The following RBM47 variants were observed in gnomAD, a reference collection of about 807,000 sequenced individuals.
RBM47 encodes RNA-binding protein 47.
In RBM47, 21 loss-of-function variants were observed where a neutral mutation model predicts 47.1. The ratio of observed to expected loss-of-function variants is 0.45; its 90% CI spans 0.32 to 0.64. RBM47 has a LOEUF of 0.64. Among genes scored for constraint, RBM47 ranks in the 30% least tolerant of loss-of-function variants. The pLI is 0.05. For synonymous variants in RBM47, 375 were observed against 361.7 expected (o/e 1.04, Z -0.42); for missense variants, 708 against 870.9 (o/e 0.81, Z 2.35).
At chr4:40,522,841 G>T (rs1378370085) in intron 2 of RBM47, among the ~76,000 whole-genome samples, 1 of 151,736 alleles carries the variant, frequency 6.6e-6, no homozygotes, top group Non-Finnish European at 1.5e-5. Context: ...CATAAAAAAT[G>T]AGCTTACTAT....
chr4:40,586,793 C>T (rs2128120), intron 1 of RBM47, among the ~76,000 whole-genome samples: 4,706 of 151,742 alleles, frequency 0.031, 256 homozygotes, highest in African/African-American at 0.11. Context: ...TGACGGGTGT[C>T]TTCTGGGGTT....
rs896128620 is a variant in RBM47, at chr4:40,612,376, G to C, written c.-240+17020C>G. Among the ~76,000 whole-genome samples, 8 of 152,336 alleles carry C rather than the reference G, an allele frequency of 5.3e-5. No homozygotes were observed. In the South Asian group the frequency reaches 1.2e-3, roughly 24 times the overall value. On this transcript the variant is annotated intron_variant, in intron 1 of 6. Transcript: ENST00000295971. ...CACACACAAAAAATAGCCACGTGTA[G>C]TGGCACATGCTTGCAATCCCAGCTA...
intron 1 of RBM47, among the ~76,000 whole-genome samples, chr4:40,578,561 T>C (rs372816311): frequency 2.0e-5 from 3 of 152,214 alleles, no homozygotes; most frequent in Admixed American, 2.0e-4. Context: ...TCATTTTCAG[T>C]GTTCTTAGCT....
intron 2 of RBM47, among the ~76,000 whole-genome samples, chr4:40,522,916 T>C (rs1726333936): frequency 6.6e-6 from 1 of 151,666 alleles, no homozygotes; most frequent in Non-Finnish European, 1.5e-5. Flanking sequence ...AATATCAATA[T>C]ATAGAACCCA....
chr4:40,596,122 C>T (rs1421882924), intron 1 of RBM47, among the ~76,000 whole-genome samples: 1 of 152,202 alleles, frequency 6.6e-6, no homozygotes, highest in Non-Finnish European at 1.5e-5. Flanking sequence ...TGAGAACTTT[C>T]AGGAGCAGGG....
At chr4:40,517,932 C>T (rs1007485393) in intron 2 of RBM47, among the ~76,000 whole-genome samples, 8 of 152,032 alleles carry the variant, frequency 5.3e-5, no homozygotes, top group African/African-American at 1.2e-4. Flanking sequence ...ATAGAGGACT[C>T]GAGCATCCAA....
intron 2 of RBM47, chr4:40,514,422 C>G (rs1725321101): frequency 6.6e-6 from 1 of 152,144 alleles, no homozygotes; most frequent in East Asian, 1.9e-4. Context: ...CCCCGTCTTC[C>G]CCTCACCATC....
intron 2 of RBM47, among the ~76,000 whole-genome samples, chr4:40,490,318 G>A (rs1192796548): frequency 1.3e-5 from 2 of 152,012 alleles, no homozygotes; most frequent in East Asian, 3.8e-4. Context: ...AAAGAAAGGG[G>A]ATCCATATGG....
chr4:40,527,100 G>A (rs1560446232), intron 2 of RBM47, among the ~76,000 whole-genome samples: 1 of 151,924 alleles, frequency 6.6e-6, no homozygotes, highest in African/African-American at 2.4e-5. Context: ...AAATGAAGTT[G>A]TTGGTTTTGT....
intron 1 of RBM47, among the ~76,000 whole-genome samples, chr4:40,580,736 GA>G (rs1176614855): frequency 1.3e-5 from 2 of 152,202 alleles, no homozygotes. Flanking sequence ...ACATGAATGG[GA>G]AAGGATGTAC....
chr4:40,621,540 A>G (rs997266632), intron 1 of RBM47, among the ~76,000 whole-genome samples: 3 of 152,248 alleles, frequency 2.0e-5, no homozygotes, highest in African/African-American at 7.2e-5. Flanking sequence ...AGAACAATCT[A>G]AATGGAATCC....
chr4:40,589,429 T>G (rs1264851114), intron 1 of RBM47, among the ~76,000 whole-genome samples: 11 of 152,254 alleles, frequency 7.2e-5, no homozygotes, highest in Non-Finnish European at 1.5e-4. Flanking sequence ...TTTACTTATT[T>G]TTTATTTTTT....
intron 2 of RBM47, among the ~76,000 whole-genome samples, chr4:40,500,187 C>T (rs1186275572): frequency 1.3e-5 from 2 of 152,122 alleles, no homozygotes; most frequent in Non-Finnish European, 2.9e-5. Context: ...GTGGTGCATG[C>T]CTGTAATCCC....
chr4:40,436,692 G>C, intron 4 of RBM47, 45 bp from the exon 5 acceptor site: 1 of 1,582,572 alleles, frequency 6.3e-7, no homozygotes, highest in Admixed American at 1.7e-5. Context: ...AACAGTGACG[G>C]TGCTGGAGGC....
At chr4:40,540,648 A>T (rs958737570) in intron 2 of RBM47, among the ~76,000 whole-genome samples, 73 of 129,302 alleles carry the variant, frequency 5.6e-4, no homozygotes, top group Non-Finnish European at 8.6e-4. Flanking sequence ...CAAAAAAAAA[A>T]AAAAATAATA....
chr4:40,575,909 G>A (rs1732251598), intron 1 of RBM47, among the ~76,000 whole-genome samples: 1 of 152,220 alleles, frequency 6.6e-6, no homozygotes, highest in African/African-American at 2.4e-5. Flanking sequence ...GGAGAGAAAG[G>A]GTCTGATCTC....
intron 5 of RBM47, among the ~76,000 whole-genome samples, chr4:40,435,613 A>G (rs567505745): frequency 4.8e-4 from 73 of 152,300 alleles, no homozygotes; most frequent in Non-Finnish European, 7.5e-4. Context: ...GACCATGACA[A>G]GGGACAAAAG....
At chr4:40,558,521 C>A (rs1209265637) in intron 1 of RBM47, among the ~76,000 whole-genome samples, 23 of 81,746 alleles carry the variant, frequency 2.8e-4, no homozygotes, top group Non-Finnish European at 2.6e-4. Flanking sequence ...TCTATTAAAA[C>A]TACAAAAAAA....
chr4:40,604,553 G>A (rs1334446826), intron 1 of RBM47, among the ~76,000 whole-genome samples: 1 of 152,104 alleles, frequency 6.6e-6, no homozygotes, highest in African/African-American at 2.4e-5. Context: ...CTTGAGCCTG[G>A]GAGTTAAAGG....
Sources: gnomAD v4.1 joint callset for allele counts (sites outside exome capture counted in the v4.1 genomes callset) on GRCh38, gnomAD v4.1.1 for gene constraint, MANE v1.5 for transcripts, NCBI Gene and HGNC (gene_info 2026-07-23, HGNC 2026-07-21) for gene names.